DNAH6: variants seen among roughly 807,000 people sequenced by gnomAD.
DNAH6 encodes the protein dynein axonemal heavy chain 6.
In DNAH6, 340 loss-of-function variants were observed where a neutral mutation model predicts 491.4. That is an observed-to-expected ratio of 0.69 (90% CI 0.63 to 0.76). DNAH6 has a LOEUF of 0.76. Ranked by LOEUF, DNAH6 falls within the 30% of genes least tolerant of loss-of-function variation. The pLI is 0.00. For synonymous variants in DNAH6, 1,603 were observed against 1,686.1 expected, an observed-to-expected ratio of 0.95 and a Z score of 1.21; for missense variants, 4,443 against 4,972.2, an observed-to-expected ratio of 0.89 and a Z score of 3.20.
chr2:84,708,947 TC>T (rs1296070446), intron 54 of DNAH6, among the ~76,000 whole-genome samples: 1 of 152,158 alleles, frequency 6.6e-6, no homozygotes, highest in Non-Finnish European at 1.5e-5. Flanking sequence ...TATGCCAACA[TC>T]CCTATCCCTC....
At position 84,545,087 on chromosome 2, in the gene DNAH6, T is replaced by A. The variant is rs544059760; in HGVS notation, c.930+587T>A. The stretch of plus-strand genomic sequence containing the variant: ...CATTGGAAGTTTCCTACTTGGCCCC[T>A]AGGAATAAACTGCAATCATCATTAC... On this transcript the variant is annotated intron_variant, in intron 5 of 76. Coordinates refer to ENST00000389394, the MANE Select transcript of DNAH6 (RefSeq NM_001370.2). Among the ~76,000 whole-genome samples, 21 of 152,270 alleles carry A rather than the reference T, an allele frequency of 1.4e-4. No individual in the cohort carries two copies. In the South Asian group the frequency reaches 1.9e-3, roughly 14 times the overall value.
intron 66 of DNAH6, 26 bp from the exon 67 acceptor site, chr2:84,785,584 G>T: frequency 2.0e-6 from 3 of 1,494,492 alleles, no homozygotes; most frequent in Non-Finnish European, 2.7e-6. Flanking sequence ...CACTCTCTCT[G>T]CCACATATAT....
intron 4 of DNAH6, 60 bp from the exon 5 acceptor site, chr2:84,544,173 A>G (rs896432286): frequency 2.3e-6 from 2 of 870,566 alleles, no homozygotes; most frequent in Non-Finnish European, 3.3e-6. Flanking sequence ...AAAGCAATGC[A>G]ATTGCTTCAT....
At position 84,727,900 on chromosome 2, in the gene DNAH6, A is replaced by G. The variant is rs1573622925; in HGVS notation, c.10204A>G (p.Lys3402Glu). Residue 3402 changes from lysine (K) to glutamate (E), a missense_variant and splice_region_variant, in exon 61 of 77, where the codon AAG becomes GAG. By Grantham distance (56) the Lys-to-Glu change is moderately conservative. Coordinates refer to ENST00000389394, the MANE Select transcript of DNAH6 (RefSeq NM_001370.2). ...FFLRGSAGLE[K>E]ERPPKPEAPW... ...TCTCCGAGGTTCTGCAGGATTGGAA[A>G]AGGTACCTGATTCCCATTTAGGTGA... 9 of 1,537,174 alleles carry G rather than the reference A, an allele frequency of 5.9e-6. No individual in the cohort carries two copies. The East Asian group carries it at 1.7e-4, about 29-fold the overall frequency.
chr2:84,578,092 C>T (rs1030365661), intron 13 of DNAH6, among the ~76,000 whole-genome samples: 2 of 152,096 alleles, frequency 1.3e-5, no homozygotes, highest in East Asian at 1.9e-4. Flanking sequence ...GTATTGACTG[C>T]AAATCTAAAA....
chr2:84,720,265 T>C (rs1172162863), intron 59 of DNAH6, among the ~76,000 whole-genome samples: 3 of 125,590 alleles, frequency 2.4e-5, no homozygotes, highest in African/African-American at 8.9e-5. Flanking sequence ...CCAAGAGTGC[T>C]TCTTTTTTTT....
chr2:84,723,373 C>T (rs1698345917), intron 60 of DNAH6, among the ~76,000 whole-genome samples: 1 of 151,966 alleles, frequency 6.6e-6, no homozygotes, highest in Non-Finnish European at 1.5e-5. Flanking sequence ...GCCCAGTATG[C>T]ACAGAACACT....
intron 4 of DNAH6, among the ~76,000 whole-genome samples, chr2:84,535,423 A>G (rs1393080105): frequency 6.6e-6 from 1 of 152,010 alleles, no homozygotes; most frequent in Non-Finnish European, 1.5e-5. Context: ...TATCAAATTA[A>G]CCAGTGGTGT....
chr2:84,789,334 G>A (rs1300684639), intron 68 of DNAH6, among the ~76,000 whole-genome samples: 1 of 152,298 alleles, frequency 6.6e-6, no homozygotes, highest in East Asian at 1.9e-4. Flanking sequence ...AATTAAAGTT[G>A]AGCAAACTTT....
the DNAH6 span, among the ~76,000 whole-genome samples, chr2:84,480,691 G>T: frequency 6.6e-6 from 1 of 152,138 alleles, no homozygotes; most frequent in Non-Finnish European, 1.5e-5. Flanking sequence ...GGCCAGGTGC[G>T]GTGGCTCACG....
At chr2:84,530,164 ACATTTT>A (rs1440679843) in intron 4 of DNAH6, among the ~76,000 whole-genome samples, 1 of 152,148 alleles carries the variant, frequency 6.6e-6, no homozygotes, top group Non-Finnish European at 1.5e-5. Flanking sequence ...CATGGAACTG[ACATTTT>A]AGCAGAGGAT....
intron 19 of DNAH6, 61 bp from the exon 20 acceptor site, chr2:84,605,439 C>T: frequency 1.8e-6 from 2 of 1,081,538 alleles, no homozygotes; most frequent in East Asian, 2.6e-5. Context: ...ATTTCACGTG[C>T]ATTTATTGAG....
At chr2:84,596,720 G>A (rs1054172904) in intron 18 of DNAH6, among the ~76,000 whole-genome samples, 1 of 151,742 alleles carries the variant, frequency 6.6e-6, no homozygotes, top group Non-Finnish European at 1.5e-5. Context: ...CAGACACAAT[G>A]AGAAGAAAAT....
chr2:84,542,263 A>G (rs747717583), intron 4 of DNAH6, among the ~76,000 whole-genome samples: 17 of 152,194 alleles, frequency 1.1e-4, no homozygotes, highest in Non-Finnish European at 2.4e-4. Flanking sequence ...TGTTAATGAA[A>G]CATCTGAAGT....
chr2:84,666,316 C>T (rs1217721287), intron 37 of DNAH6, among the ~76,000 whole-genome samples: 8 of 152,116 alleles, frequency 5.3e-5, no homozygotes, highest in Non-Finnish European at 1.5e-5. Flanking sequence ...CAAATTGTCC[C>T]TGTTTGCAGA....
intron 16 of DNAH6, among the ~76,000 whole-genome samples, chr2:84,590,919 A>G (rs1388774422): frequency 6.6e-6 from 1 of 152,144 alleles, no homozygotes; most frequent in Non-Finnish European, 1.5e-5. Flanking sequence ...TTGATTATGG[A>G]CAGGAAAGGT....
chr2:84,477,988 T>G, the DNAH6 span, among the ~76,000 whole-genome samples: 9 of 152,184 alleles, frequency 5.9e-5, no homozygotes, highest in Non-Finnish European at 1.3e-4. Context: ...TTGTCCCCAG[T>G]GTACTTGTAT....
chr2:84,571,328 C>T (rs186832370), intron 11 of DNAH6, among the ~76,000 whole-genome samples: 3 of 152,164 alleles, frequency 2.0e-5, no homozygotes, highest in Admixed American at 6.5e-5. Flanking sequence ...CTCAAATTCT[C>T]TGTCCATAAG....
intron 33 of DNAH6, among the ~76,000 whole-genome samples, chr2:84,649,911 A>T (rs568719868): frequency 2.0e-5 from 3 of 152,196 alleles, no homozygotes; most frequent in African/African-American, 7.2e-5. Flanking sequence ...CATCCTGCAC[A>T]TGTACCCCAG....
Sources: allele counts gnomAD v4.1 joint callset (sites outside exome capture counted in the v4.1 genomes callset), GRCh38; gene constraint gnomAD v4.1.1; transcripts MANE v1.5; gene names NCBI Gene and HGNC (gene_info 2026-07-23, HGNC 2026-07-21).